Variants in RIMKLA observed in about 807,000 individuals in gnomAD.
The protein encoded by RIMKLA is N-acetylaspartylglutamate synthase A.
In RIMKLA, 14 loss-of-function variants were observed where a neutral mutation model predicts 32.7. The observed-to-expected ratio is 0.43, with a 90% confidence interval of 0.28 to 0.67. The LOEUF (loss-of-function observed/expected upper bound fraction) is 0.67. Ranked by LOEUF, RIMKLA falls within the 30% of genes least tolerant of loss-of-function variation. The probability of loss-of-function intolerance (pLI) is 0.18; values close to 1 mark genes in which losing one functional copy is unlikely to be tolerated. For synonymous variants in RIMKLA, 176 were observed against 204.1 expected, an observed-to-expected ratio of 0.86 and a Z score of 1.18; for missense variants, 410 against 519.0, an observed-to-expected ratio of 0.79 and a Z score of 2.04.
chr1:42,405,275 G>T (rs896021019), intron 3 of RIMKLA, among the ~76,000 whole-genome samples: 1 of 152,114 alleles, frequency 6.6e-6, no homozygotes, highest in African/African-American at 2.4e-5. Context: ...ATAGCATTTT[G>T]TATGTGCCTC....
intron 2 of RIMKLA, among the ~76,000 whole-genome samples, chr1:42,400,224 G>GC (rs1415632799): frequency 6.9e-6 from 1 of 145,698 alleles, no homozygotes; most frequent in Admixed American, 6.8e-5. Context: ...GAGAGATATA[G>GC]CTAAATATAA....
intron 1 of RIMKLA, among the ~76,000 whole-genome samples, chr1:42,396,202 C>T (rs1643044689): frequency 7.5e-6 from 1 of 133,960 alleles, no homozygotes; most frequent in African/African-American, 2.8e-5. Context: ...CGCCATTGCA[C>T]TCCAGCCTGG....
intron 1 of RIMKLA, among the ~76,000 whole-genome samples, chr1:42,395,106 T>A (rs1341640640): frequency 3.3e-5 from 5 of 152,230 alleles, no homozygotes; most frequent in African/African-American, 1.2e-4. Flanking sequence ...GGAAAAGTTA[T>A]CCTGGTTTTC....
intron 2 of RIMKLA, 66 bp downstream of exon 2, chr1:42,399,700 T>TTTTGAATGTG (rs1420409124): frequency 1.4e-5 from 14 of 985,372 alleles, no homozygotes; most frequent in Non-Finnish European, 2.1e-5. Flanking sequence ...AGAAACCTTC[T>TTTTGAATGTG]AGTATCTTTG....
In RIMKLA at chr1:42,385,870, CTTT is replaced by C. The variant is rs56264893; in HGVS notation, c.163+4774_163+4776del. Among the ~76,000 whole-genome samples the C allele has an allele frequency of 2.4e-5, 2 of 84,448 alleles. 1 individual carries two copies. The highest frequency in any genetic ancestry group is 8.6e-5 in the African/African-American group (2 of 23,180). 55.4% of individuals were successfully genotyped at this position (84,448 alleles called of 152,430 possible). A position where few individuals can be genotyped will look rare whatever the true frequency, so the allele number is the denominator to read the frequency against. ...TCTTTCTTTCTTTCTTTCTTTCTTT[CTTT>C]CTTTCTTTCTTTCTTTCTTTCTTTC... is the stretch of plus-strand genomic sequence containing the variant. On this transcript the variant is annotated intron_variant, in intron 1 of 4. Coordinates refer to ENST00000431473, the MANE Select transcript of RIMKLA (RefSeq NM_173642.4).
chr1:42,389,888 G>A (rs1642985888), intron 1 of RIMKLA, among the ~76,000 whole-genome samples: 1 of 152,080 alleles, frequency 6.6e-6, no homozygotes, highest in Non-Finnish European at 1.5e-5. Context: ...TGTAGCATTA[G>A]CAACCCCAAT....
intron 1 of RIMKLA, among the ~76,000 whole-genome samples, chr1:42,391,892 T>G (rs1046295952): frequency 1.3e-5 from 2 of 152,100 alleles, no homozygotes; most frequent in African/African-American, 4.8e-5. Context: ...CCCAAAGCGA[T>G]TTTTGTGTCT....
At position 42,418,166 on chromosome 1, in the gene RIMKLA, T is replaced by TA. The variant is rs1456946501; in HGVS notation, c.*3193dup. 6.6e-6 allele frequency: 1 copy of TA among 152,224 alleles called. No homozygotes were observed. The highest frequency in any genetic ancestry group is 1.9e-4 in the East Asian group (1 of 5,196). The allele number at this position is 152,224 out of a possible 1,614,324, so 9.4% of individuals were successfully genotyped here. ...CTAACAAAGTCTTCCTTATGTAACA[T>TA]AGATTGCAGTGTCTGTATATGGTCT... On this transcript the variant is annotated 3_prime_UTR_variant, in exon 5 of 5. Transcript: ENST00000431473.
chr1:42,419,631 T>A lies in RIMKLA; in HGVS notation c.*4657T>A, dbSNP rs928633154. On this transcript the variant is annotated 3_prime_UTR_variant, in exon 5 of 5. Transcript: ENST00000431473. ...TACCCTCCGCCTCCTCCCCTTCTGATGAGCCTCTGTTCTGGATCAACACGG... is the reference window on the plus strand; with the variant it reads ...TACCCTCCGCCTCCTCCCCTTCTGAAGAGCCTCTGTTCTGGATCAACACGG... 4 of 152,394 alleles carry A rather than the reference T, an allele frequency of 2.6e-5. No homozygotes were observed. The highest frequency in any genetic ancestry group is 5.9e-5 in the Non-Finnish European group (4 of 68,180). 9.4% of individuals were successfully genotyped at this position (152,394 alleles called of 1,614,324 possible).
chr1:42,408,352 A>G (rs556117084), intron 3 of RIMKLA, among the ~76,000 whole-genome samples: 2 of 152,172 alleles, frequency 1.3e-5, no homozygotes, highest in Non-Finnish European at 2.9e-5. Context: ...GAATGATTGC[A>G]TCCTGGTTAT....
In RIMKLA at chr1:42,399,570, C is replaced by A; in HGVS notation, c.330C>A (p.Asn110Lys). 6.2e-7 allele frequency: 1 copy of A among 1,613,446 alleles called. No homozygotes were observed. Among genetic ancestry groups the A allele is most frequent in the Non-Finnish European group, 8.5e-7 (1 of 1,179,790 alleles). The stretch of plus-strand genomic sequence containing the variant: ...CACAGAGCATCTTAAATTGCATCAA[C>A]AAATTCTGGACGTTCCAAGAACTGG... ...NRPQSILNCINKFWTFQELAG... is the reference protein window; with the variant it reads ...NRPQSILNCIKKFWTFQELAG... The change falls in exon 2 of 5, where the codon AAC (asparagine) becomes AAA (lysine). Residue 110 changes from asparagine to lysine, a missense_variant. By Grantham distance (94) the Asn-to-Lys change is moderately conservative. Transcript: ENST00000431473.
chr1:42,398,476 A>G (rs1288763646), intron 1 of RIMKLA, among the ~76,000 whole-genome samples: 2 of 152,206 alleles, frequency 1.3e-5, no homozygotes, highest in Non-Finnish European at 2.9e-5. Context: ...ATTTTGGAAA[A>G]TACAGACAAG....
At chr1:42,398,066 A>C (rs1466506590) in intron 1 of RIMKLA, among the ~76,000 whole-genome samples, 2 of 152,140 alleles carry the variant, frequency 1.3e-5, no homozygotes, top group African/African-American at 4.8e-5. Context: ...GTTGAGCCCA[A>C]ATCCATCTCC....
At chr1:42,381,220 C>T (rs956872739) in intron 1 of RIMKLA, 123 bp downstream of exon 1, 1 of 681,760 alleles carries the variant, frequency 1.5e-6, no homozygotes, top group Non-Finnish European at 2.1e-6. Flanking sequence ...ACTAGCCGCA[C>T]TCTAGCTGCG....
chr1:42,398,012 G>A (rs1181249142), intron 1 of RIMKLA, among the ~76,000 whole-genome samples: 5 of 152,134 alleles, frequency 3.3e-5, no homozygotes, highest in African/African-American at 4.8e-5. Context: ...TGAGTAATGA[G>A]CCTTGGCCCT....
chr1:42,405,699 C>A (rs189861541), intron 3 of RIMKLA, among the ~76,000 whole-genome samples: 1 of 152,132 alleles, frequency 6.6e-6, no homozygotes, highest in African/African-American at 2.4e-5. Context: ...GATCTCGAGG[C>A]GCTCAAATGT....
At chr1:42,385,760 T>TTTCTTTCC (rs1468647404) in intron 1 of RIMKLA, among the ~76,000 whole-genome samples, 2 of 107,640 alleles carry the variant, frequency 1.9e-5, no homozygotes, top group Non-Finnish European at 3.7e-5. Flanking sequence ...TCTTTCTTTC[T>TTTCTTTCC]TTCTTTCTTT....
At position 42,380,932 on chromosome 1, in the gene RIMKLA, G is replaced by T; in HGVS notation, c.-3G>T. 3.5e-6 allele frequency: 5 copies of T among 1,410,172 alleles called. No homozygotes were observed. Among genetic ancestry groups the T allele is most frequent in the South Asian group, 1.5e-5 (1 of 67,962 alleles). The allele number at this position is 1,410,172 out of a possible 1,614,324, so 87.4% of individuals were successfully genotyped here. On this transcript the variant is annotated 5_prime_UTR_variant, in exon 1 of 5. Transcript: ENST00000431473. ...CCGCGCGGGGCGCACCGCCCTGGCC[G>T]CCATGTGCTCCCAGCTCTGGTTCCT...
chr1:42,384,029 G>A (rs1642913062), intron 1 of RIMKLA, among the ~76,000 whole-genome samples: 1 of 152,168 alleles, frequency 6.6e-6, no homozygotes, highest in Non-Finnish European at 1.5e-5. Flanking sequence ...TTATGTTAGT[G>A]TAGGAATATG....
Sources: gnomAD v4.1 joint callset for allele counts (sites outside exome capture counted in the v4.1 genomes callset) on GRCh38, gnomAD v4.1.1 for gene constraint, MANE v1.5 for transcripts, NCBI Gene and HGNC (gene_info 2026-07-23, HGNC 2026-07-21) for gene names.